Variants in ADAM22 observed in about 807,000 individuals in gnomAD.
ADAM22 encodes the protein disintegrin and metalloproteinase domain-containing protein 22.
A neutral mutation model predicts 144.6 loss-of-function variants in ADAM22; 65 were observed. That is an observed-to-expected ratio of 0.45 (90% CI 0.37 to 0.55). ADAM22 has a LOEUF of 0.55. Among genes scored for constraint, ADAM22 ranks in the 20% least tolerant of loss-of-function variants. ADAM22 has a pLI of 0.00. For missense variants in ADAM22, 974 were observed against 1,184.9 expected (o/e 0.82, Z 2.61); for synonymous variants, 391 against 412.6 (o/e 0.95, Z 0.63).
intron 2 of ADAM22, among the ~76,000 whole-genome samples, chr7:87,967,452 G>A (rs1849393583): frequency 6.6e-6 from 1 of 152,020 alleles, no homozygotes; most frequent in Non-Finnish European, 1.5e-5. Context: ...GTAAGGTCCT[G>A]TCTCAAAAAG....
At chr7:88,029,383 AC>A (rs1325960164) in intron 3 of ADAM22, among the ~76,000 whole-genome samples, 1 of 151,180 alleles carries the variant, frequency 6.6e-6, no homozygotes, top group African/African-American at 2.4e-5. Flanking sequence ...AATTTTGTCC[AC>A]CCTTTTTAAC....
At chr7:87,951,823 G>A (rs1344055335) in intron 2 of ADAM22, among the ~76,000 whole-genome samples, 5 of 127,214 alleles carry the variant, frequency 3.9e-5, no homozygotes, top group Non-Finnish European at 8.2e-5. Flanking sequence ...TCATTGAGCA[G>A]TGGTTTGTAG....
At chr7:88,116,985 C>T (rs1482379544) in intron 7 of ADAM22, among the ~76,000 whole-genome samples, 171 bp downstream of exon 7, 4 of 152,114 alleles carry the variant, frequency 2.6e-5, no homozygotes, top group African/African-American at 9.7e-5. Flanking sequence ...ACTGTCCTCA[C>T]AGATGAGTTT....
At chr7:87,975,010 C>T (rs1050743888) in intron 2 of ADAM22, among the ~76,000 whole-genome samples, 37 of 152,168 alleles carry the variant, frequency 2.4e-4, no homozygotes, top group African/African-American at 8.7e-4. Context: ...GATAATCTCC[C>T]CAAGTCAAGG....
chr7:88,174,690 T>C (rs1845199067), intron 26 of ADAM22, among the ~76,000 whole-genome samples: 2 of 152,090 alleles, frequency 1.3e-5, no homozygotes, highest in Admixed American at 6.6e-5. Context: ...ATTCTCTTCC[T>C]TTGTCTGAGA....
At chr7:87,953,105 A>AT (rs1272074535) in intron 2 of ADAM22, among the ~76,000 whole-genome samples, 3 of 149,906 alleles carry the variant, frequency 2.0e-5, no homozygotes, top group Non-Finnish European at 4.4e-5. Flanking sequence ...GGCTTCATTA[A>AT]TTTTTTTGAA....
rs1462534694 is a variant in ADAM22 at position 87,934,426 on chromosome 7, G to T, written c.-40G>T. 2 of 1,559,926 alleles carry T rather than the reference G, an allele frequency of 1.3e-6. No individual in the cohort carries two copies. The highest frequency in any genetic ancestry group is 1.7e-6 in the Non-Finnish European group (2 of 1,157,676). On this transcript the variant is annotated 5_prime_UTR_variant, in exon 1 of 32. Transcript: ENST00000413139. The stretch of plus-strand genomic sequence containing the variant: ...ACGGACTCGGCGGCGCCGGCATGAG[G>T]AGCTGAGCGTCTCGGGCGAGGCGGG...
intron 3 of ADAM22, among the ~76,000 whole-genome samples, chr7:88,052,300 A>G (rs1351211953): frequency 6.6e-6 from 1 of 150,800 alleles, no homozygotes; most frequent in Non-Finnish European, 1.5e-5. Flanking sequence ...GATCGAGACC[A>G]TCCTGGCTAA....
At chr7:88,163,891 T>C (rs1343482884) in intron 23 of ADAM22, among the ~76,000 whole-genome samples, 3 of 152,132 alleles carry the variant, frequency 2.0e-5, no homozygotes, top group Non-Finnish European at 4.4e-5. Flanking sequence ...CAGCATGTGC[T>C]ATGGCATTCT....
chr7:88,066,171 G>A (rs1811195089), intron 3 of ADAM22, among the ~76,000 whole-genome samples: 1 of 152,146 alleles, frequency 6.6e-6, no homozygotes, highest in Non-Finnish European at 1.5e-5. Context: ...TAAGCGAAAT[G>A]TTGACAGGTT....
chr7:88,145,554 G>T, intron 17 of ADAM22, 47 bp downstream of exon 17: 1 of 1,437,552 alleles, frequency 7.0e-7, no homozygotes, highest in South Asian at 1.2e-5. Context: ...GGACATACTT[G>T]ATTAAATCAT....
intron 15 of ADAM22, among the ~76,000 whole-genome samples, chr7:88,143,953 CAA>C (rs1219272937): frequency 6.6e-6 from 1 of 152,158 alleles, no homozygotes; most frequent in Non-Finnish European, 1.5e-5. Context: ...CTAAACAGTT[CAA>C]GTCTTTTTAC....
At chr7:88,061,287 A>G (rs1809786176) in intron 3 of ADAM22, among the ~76,000 whole-genome samples, 1 of 152,068 alleles carries the variant, frequency 6.6e-6, no homozygotes, top group South Asian at 2.1e-4. Flanking sequence ...TTCCAAACTC[A>G]TATTTGTGTT....
chr7:88,134,285 C>A (rs201575882), intron 12 of ADAM22, 44 bp from the exon 13 acceptor site: 2 of 1,430,700 alleles, frequency 1.4e-6, no homozygotes, highest in Non-Finnish European at 9.6e-7. Flanking sequence ...TTGTCAGTGA[C>A]AATTTGGATT....
At chr7:87,980,676 TTATCTATAAGTAGATTA>T (rs1187607211) in intron 3 of ADAM22, among the ~76,000 whole-genome samples, 1 of 152,180 alleles carries the variant, frequency 6.6e-6, no homozygotes, top group African/African-American at 2.4e-5. Flanking sequence ...GTAAATAAAA[TTATCTATAAGTAGATTA>T]TATCTATAAG....
intron 14 of ADAM22, 60 bp downstream of exon 14, chr7:88,136,091 CT>C: frequency 6.7e-7 from 1 of 1,493,846 alleles, no homozygotes; most frequent in Non-Finnish European, 9.2e-7. Flanking sequence ...CTGTTGTCTT[CT>C]TAGGAATATG....
intron 4 of ADAM22, among the ~76,000 whole-genome samples, chr7:88,099,624 T>C (rs1822378281): frequency 6.6e-6 from 1 of 152,188 alleles, no homozygotes; most frequent in Non-Finnish European, 1.5e-5. Flanking sequence ...TATTACTGAG[T>C]AATCTTTCAG....
chr7:88,064,075 G>A lies in ADAM22; in HGVS notation c.324-11551G>A, dbSNP rs1810572798. ...GATTATGGCTGTACAACAGGCCTAG[G>A]GTGCAGTTAGTCCAGATGTGAGCAG... On this transcript the variant is annotated intron_variant, in intron 3 of 31. Coordinates refer to ENST00000413139, the MANE Select transcript of ADAM22 (RefSeq NM_001324418.2). 2.0e-5 allele frequency among the ~76,000 whole-genome samples: 3 copies of A among 152,244 alleles called. No homozygotes were observed. The South Asian group carries it at 6.2e-4, about 32-fold the overall frequency.
chr7:88,130,047 C>T (rs1455035220), intron 9 of ADAM22, among the ~76,000 whole-genome samples: 1 of 152,062 alleles, frequency 6.6e-6, no homozygotes, highest in Non-Finnish European at 1.5e-5. Context: ...GTATGTCTTG[C>T]AATTCATAGA....
Sources: allele counts gnomAD v4.1 joint callset (sites outside exome capture counted in the v4.1 genomes callset), GRCh38; gene constraint gnomAD v4.1.1; transcripts MANE v1.5; gene names NCBI Gene and HGNC (gene_info 2026-07-23, HGNC 2026-07-21).